Variants in TBC1D32 observed in about 807,000 individuals in gnomAD.
The protein encoded by TBC1D32 is protein broad-minded.
In TBC1D32, 151 loss-of-function variants were observed where a neutral mutation model predicts 170.3. The observed-to-expected ratio is 0.89, with a 90% confidence interval of 0.78 to 1.01. The LOEUF (loss-of-function observed/expected upper bound fraction) is 1.01, where lower values mean the gene tolerates loss of function less well. Among genes scored for constraint, TBC1D32 ranks in the 50% least tolerant of loss-of-function variants. The pLI, the probability that TBC1D32 is intolerant of heterozygous loss-of-function variation, is 0.00. For synonymous variants in TBC1D32, 498 were observed against 488.0 expected (o/e 1.02, Z -0.27); for missense variants, 1,464 against 1,457.1 (o/e 1.00, Z -0.08).
At chr6:121,086,959 T>C (rs777184503) in intron 31 of TBC1D32, among the ~76,000 whole-genome samples, 4 of 152,218 alleles carry the variant, frequency 2.6e-5, no homozygotes, top group Non-Finnish European at 5.9e-5. Context: ...CTTGGAAATA[T>C]CTACAGACTT....
chr6:121,248,809 T>TA (rs1035389157), intron 17 of TBC1D32, among the ~76,000 whole-genome samples: 6 of 150,746 alleles, frequency 4.0e-5, no homozygotes, highest in South Asian at 2.1e-4. Flanking sequence ...AATCAGCAAT[T>TA]AAAAAAAACT....
intron 21 of TBC1D32, among the ~76,000 whole-genome samples, chr6:121,216,343 G>A (rs1276334898): frequency 6.6e-6 from 1 of 152,068 alleles, no homozygotes; most frequent in Admixed American, 6.6e-5. Flanking sequence ...AGCCTATTGT[G>A]CCTTCTGATT....
intron 21 of TBC1D32, among the ~76,000 whole-genome samples, chr6:121,211,308 T>A (rs958579901): frequency 1.5e-4 from 23 of 152,160 alleles, no homozygotes; most frequent in Non-Finnish European, 2.8e-4. Context: ...ATGGATTTTT[T>A]AAAATTTCTA....
At chr6:121,181,222 G>A (rs1788464003) in intron 22 of TBC1D32, among the ~76,000 whole-genome samples, 1 of 152,030 alleles carries the variant, frequency 6.6e-6, no homozygotes, top group African/African-American at 2.4e-5. Flanking sequence ...ATATTGATAT[G>A]GTTTGAATCT....
At chr6:121,144,801 C>T (rs1404861558) in intron 24 of TBC1D32, among the ~76,000 whole-genome samples, 1 of 152,114 alleles carries the variant, frequency 6.6e-6, no homozygotes, top group East Asian at 1.9e-4. Flanking sequence ...AAAAAGAAGA[C>T]AACTGAGAAC....
chr6:121,161,093 G>C, intron 22 of TBC1D32, 37 bp from the exon 23 acceptor site: 1 of 1,443,466 alleles, frequency 6.9e-7, no homozygotes. Context: ...TCATCCTTTT[G>C]ATTGAATATG....
At chr6:121,155,932 AT>A (rs35092720) in intron 24 of TBC1D32, among the ~76,000 whole-genome samples, 2 of 151,774 alleles carry the variant, frequency 1.3e-5, no homozygotes, top group Non-Finnish European at 1.5e-5. Context: ...TTTTGCTGAA[AT>A]TTTTTTTGCC....
rs184315754 is a variant in TBC1D32 at position 121,111,466 on chromosome 6, G to T, written c.3324+1039C>A. On this transcript the variant is annotated intron_variant, in intron 29 of 31. Transcript: ENST00000398212. ...AAGTGAAAAAGAGAAAAGGCTGTTAGATTTTTTAAAATCTTCAAGTACAGT... is the reference window on the plus strand; with the variant it reads ...AAGTGAAAAAGAGAAAAGGCTGTTATATTTTTTAAAATCTTCAAGTACAGT... Among the ~76,000 whole-genome samples the T allele has an allele frequency of 4.6e-5, 7 of 152,240 alleles. No homozygotes were observed. The East Asian group carries it at 1.2e-3, about 25-fold the overall frequency.
intron 12 of TBC1D32, among the ~76,000 whole-genome samples, chr6:121,285,211 G>C (rs1014365709): frequency 2.0e-5 from 3 of 152,014 alleles, no homozygotes; most frequent in Non-Finnish European, 4.4e-5. Flanking sequence ...AAGACTCAGA[G>C]GATTCAACAT....
chr6:121,152,116 G>T (rs1258755037), intron 24 of TBC1D32, among the ~76,000 whole-genome samples: 6 of 152,108 alleles, frequency 3.9e-5, no homozygotes, highest in African/African-American at 1.2e-4. Flanking sequence ...TCACATTTTG[G>T]TTTGTTTTTG....
intron 22 of TBC1D32, among the ~76,000 whole-genome samples, chr6:121,175,023 C>CAAA (rs34244749): frequency 3.7e-4 from 48 of 130,770 alleles, no homozygotes; most frequent in East Asian, 1.1e-3. Flanking sequence ...CAGACCTTGT[C>CAAA]AAAAAAAAAA....
chr6:121,133,519 G>A (rs968855226), intron 24 of TBC1D32, among the ~76,000 whole-genome samples: 2 of 152,054 alleles, frequency 1.3e-5, no homozygotes, highest in South Asian at 2.1e-4. Flanking sequence ...TTCCTGTGAT[G>A]TAAAATTTCA....
At chr6:121,177,502 T>C (rs1382723900) in intron 22 of TBC1D32, among the ~76,000 whole-genome samples, 1 of 152,150 alleles carries the variant, frequency 6.6e-6, no homozygotes, top group African/African-American at 2.4e-5. Context: ...CTTCATAAAT[T>C]ACCCAATCTC....
chr6:121,253,273 A>G (rs922455040), intron 17 of TBC1D32, among the ~76,000 whole-genome samples: 2 of 152,182 alleles, frequency 1.3e-5, no homozygotes, highest in Admixed American at 1.3e-4. Context: ...AAAAACAAAT[A>G]ATCTCATTAA....
intron 30 of TBC1D32, among the ~76,000 whole-genome samples, chr6:121,098,892 TC>T (rs1044950168): frequency 6.6e-6 from 1 of 151,702 alleles, no homozygotes; most frequent in African/African-American, 2.4e-5. Context: ...AGGCGCAACA[TC>T]CAAAACATGA....
intron 25 of TBC1D32, among the ~76,000 whole-genome samples, chr6:121,127,832 T>C (rs1293146391): frequency 1.3e-5 from 2 of 152,168 alleles, no homozygotes; most frequent in East Asian, 3.8e-4. Flanking sequence ...CCAAACATAA[T>C]GTAATTATTT....
intron 10 of TBC1D32, among the ~76,000 whole-genome samples, chr6:121,299,007 A>C (rs986947423): frequency 6.6e-6 from 1 of 152,126 alleles, no homozygotes; most frequent in Admixed American, 6.6e-5. Flanking sequence ...TAGAGTATTA[A>C]GTCTACATTT....
At chr6:121,274,059 G>A (rs533627514) in intron 15 of TBC1D32, among the ~76,000 whole-genome samples, 59 of 152,246 alleles carry the variant, frequency 3.9e-4, no homozygotes, top group African/African-American at 1.4e-3. Context: ...AAAAAGCCGG[G>A]CATGGTGGCT....
chr6:121,294,565 C>T lies in TBC1D32; in HGVS notation c.1231+5G>A. The T allele has an allele frequency of 3.1e-6, 5 of 1,602,652 alleles. No homozygotes were observed. Among genetic ancestry groups the T allele is most frequent in the Non-Finnish European group, 4.3e-6 (5 of 1,173,876 alleles). ...AAAGTATGTAATAGAGGAAATAATA[C>T]TTACTGCAATGCTTTGAATGTCCCA... On this transcript the variant is annotated splice_donor_5th_base_variant and intron_variant, in intron 11 of 31. Coordinates refer to ENST00000398212, the MANE Select transcript of TBC1D32 (RefSeq NM_152730.6).
Sources: allele counts gnomAD v4.1 joint callset (sites outside exome capture counted in the v4.1 genomes callset), GRCh38; gene constraint gnomAD v4.1.1; transcripts MANE v1.5; gene names NCBI Gene and HGNC (gene_info 2026-07-23, HGNC 2026-07-21).